The following OR5V1 variants were observed in gnomAD, a reference collection of about 807,000 sequenced individuals.
OR5V1 encodes the protein olfactory receptor family 5 subfamily V member 1.
For missense variants in OR5V1, 365 were observed against 371.5 expected, an observed-to-expected ratio of 0.98 and a Z score of 0.14; for synonymous variants, 134 against 143.2, an observed-to-expected ratio of 0.94 and a Z score of 0.46.
chr6:29,355,745 C>A lies in OR5V1; in HGVS notation c.451G>T (p.Ala151Ser). ...TGCACCACTGAGTTAAGGAAACCAG[C>A]AGCCCAGCATGAGGCTGCTAATTGA... is the stretch of plus-strand genomic sequence containing the variant. ...CNQLAASCWA[A>S]GFLNSVVHTV... is the part of the protein sequence containing the mutation. Residue 151 changes from alanine to serine, a missense_variant, in exon 2 of 2, where the codon GCT (alanine) becomes TCT (serine). Coordinates refer to ENST00000641768, the MANE Select transcript of OR5V1 (RefSeq NM_030876.6). 1 of 1,614,056 alleles carries A rather than the reference C, an allele frequency of 6.2e-7. No homozygotes were observed. The highest frequency in any genetic ancestry group is 8.5e-7 in the Non-Finnish European group (1 of 1,179,982).
intron 1 of OR5V1, among the ~76,000 whole-genome samples, chr6:29,367,382 C>T (rs1778906059): frequency 6.6e-6 from 1 of 152,124 alleles, no homozygotes; most frequent in East Asian, 1.9e-4. Flanking sequence ...TTCTGTCTTA[C>T]TAATCTATTT....
In OR5V1 at chr6:29,355,863, C is replaced by A; in HGVS notation, c.333G>T (p.Glu111Asp). ...ATGCCATTGCTGCCAGTAGGAGACA[C>A]TCTGATCCTACAAAGAAAACAAATG... ...LFAFVFFVGS[E>D]CLLLAAMAYD... is the part of the protein sequence containing the mutation. Residue 111 changes from glutamate to aspartate, a missense_variant, in exon 2 of 2, where the codon GAG becomes GAT. Physicochemically the swap from Glu to Asp is conservative, Grantham distance 45 (BLOSUM62 2). Transcript: ENST00000641768. The A allele has an allele frequency of 6.2e-7, 1 of 1,614,024 alleles. No homozygotes were observed. The highest frequency in any genetic ancestry group is 1.6e-4 in the Middle Eastern group (1 of 6,062).
Position 29,365,330 on chromosome 6 carries a change from GA to G in OR5V1, c.-83+3301del, listed in dbSNP as rs796868987. On this transcript the variant is annotated intron_variant, in intron 1 of 1. Transcript: ENST00000641768. ...AATTAAACTAAAGAGCTTCTGCATA[GA>G]AAAAAAAAAAAAAACTATCATCGGA... is the stretch of plus-strand genomic sequence containing the variant. Among the ~76,000 whole-genome samples, 1,072 of 116,600 alleles carry G rather than the reference GA, an allele frequency of 9.2e-3. 7 individuals carry two copies. The highest frequency in any genetic ancestry group is 0.041 in the Middle Eastern group (9 of 218). 76.5% of individuals were successfully genotyped at this position (116,600 alleles called of 152,430 possible).
intron 1 of OR5V1, among the ~76,000 whole-genome samples, chr6:29,358,425 C>T (rs1778417496): frequency 6.6e-6 from 1 of 152,090 alleles, no homozygotes; most frequent in Non-Finnish European, 1.5e-5. Flanking sequence ...ACTAAAAATG[C>T]AACTACTATG....
Position 29,355,383 on chromosome 6 carries a change from A to C in OR5V1, c.813T>G (p.Asp271Glu). Residue 271 changes from aspartate (D) to glutamate (E), a missense_variant, in exon 2 of 2, where the codon GAT (aspartate) becomes GAG (glutamate). By Grantham distance (45) the Asp-to-Glu change is conservative. Transcript: ENST00000641768. Reference sequence around the variant, plus strand: ...CACTGTACAACACTGAAACCAACCTATCTTTCTTTAATGAGTAAGTTGAGA... The same window carrying C: ...CACTGTACAACACTGAAACCAACCTCTCTTTCTTTAATGAGTAAGTTGAGA... ...RPISTYSLKK[D>E]RLVSVLYSVV... The C allele has an allele frequency of 6.2e-7, 1 of 1,614,010 alleles. No homozygotes were observed. The highest frequency in any genetic ancestry group is 8.5e-7 in the Non-Finnish European group (1 of 1,179,900).
chr6:29,360,564 G>A (rs544772593), intron 1 of OR5V1, among the ~76,000 whole-genome samples: 1 of 152,326 alleles, frequency 6.6e-6, no homozygotes, highest in East Asian at 1.9e-4. Context: ...TTGGGATGAA[G>A]CTTCCAGAGG....
rs151017248 is a variant in OR5V1 at position 29,367,804 on chromosome 6, A to T, written c.-83+828T>A. ...AGACAGAATAGAATTCACCACGCAA[A>T]GCACAAGTATTTCACACAGAGTTAT... On this transcript the variant is annotated intron_variant, in intron 1 of 1. Coordinates refer to ENST00000641768, the MANE Select transcript of OR5V1 (RefSeq NM_030876.6). Among the ~76,000 whole-genome samples, 1,300 of 152,318 alleles carry T rather than the reference A, an allele frequency of 8.5e-3. 12 individuals are homozygous for T. The highest frequency in any genetic ancestry group is 0.023 in the African/African-American group (970 of 41,592).
intron 1 of OR5V1, among the ~76,000 whole-genome samples, chr6:29,366,241 A>G (rs1778848208): frequency 6.6e-6 from 1 of 151,504 alleles, no homozygotes; most frequent in Non-Finnish European, 1.5e-5. Flanking sequence ...TGATCAGTGC[A>G]GCAAACCACC....
chr6:29,363,158 A>C (rs1778658890), intron 1 of OR5V1, among the ~76,000 whole-genome samples: 1 of 152,224 alleles, frequency 6.6e-6, no homozygotes, highest in Admixed American at 6.5e-5. Flanking sequence ...CCATGAGAGA[A>C]TACTATAAAT....
chr6:29,356,870 C>A (rs188189863), intron 1 of OR5V1, among the ~76,000 whole-genome samples: 1 of 151,838 alleles, frequency 6.6e-6, no homozygotes, highest in Admixed American at 6.6e-5. Flanking sequence ...CTTAATTTTC[C>A]GTGGCAATAC....
intron 1 of OR5V1, among the ~76,000 whole-genome samples, chr6:29,360,829 A>C (rs2151275064): frequency 6.6e-6 from 1 of 152,306 alleles, no homozygotes; most frequent in South Asian, 2.1e-4. Context: ...AAAAACCAGC[A>C]CAAAAATGCT....
At position 29,356,001 on chromosome 6, in the gene OR5V1, G is replaced by C; in HGVS notation, c.195C>G (p.Asn65Lys). The change falls in exon 2 of 2, where the codon AAC (asparagine) becomes AAG (lysine). Residue 65 changes from asparagine (N) to lysine (K), a missense_variant. Asn to Lys is a moderately conservative substitution (Grantham distance 94). Coordinates refer to ENST00000641768, the MANE Select transcript of OR5V1 (RefSeq NM_030876.6). ...TGTAGCAGATGTCAATAAAGGCCAA[G>C]TTCCCTAGAAAATAATACATAGGTG... ...LHTPMYYFLG[N>K]LAFIDICYTT... is the part of the protein sequence containing the mutation. 6.2e-7 allele frequency: 1 copy of C among 1,614,014 alleles called. No individual in the cohort carries two copies. Among genetic ancestry groups the C allele is most frequent in the South Asian group, 1.1e-5 (1 of 91,072 alleles).
At chr6:29,367,374 C>T (rs1325000610) in intron 1 of OR5V1, among the ~76,000 whole-genome samples, 1 of 152,136 alleles carries the variant, frequency 6.6e-6, no homozygotes, top group Non-Finnish European at 1.5e-5. Flanking sequence ...GGTGCATATT[C>T]TGTCTTACTA....
At chr6:29,366,397 T>C (rs1338241269) in intron 1 of OR5V1, among the ~76,000 whole-genome samples, 1 of 150,952 alleles carries the variant, frequency 6.6e-6, no homozygotes, top group Non-Finnish European at 1.5e-5. Context: ...GAATTTGAGA[T>C]ATCTGAATAT....
chr6:29,354,229 T>G lies in OR5V1; in HGVS notation c.*1001A>C, dbSNP rs1179319535. On this transcript the variant is annotated 3_prime_UTR_variant, in exon 2 of 2. Coordinates refer to ENST00000641768, the MANE Select transcript of OR5V1 (RefSeq NM_030876.6). ...TTGTATGTTATTTATTTTCCCTTCT[T>G]GGTATCTCTAAGTCTCTTTATCTTT... 1 of 152,008 alleles carries G rather than the reference T, an allele frequency of 6.6e-6. No homozygotes were observed. The highest frequency in any genetic ancestry group is 1.5e-5 in the Non-Finnish European group (1 of 67,918). The allele number at this position is 152,008 out of a possible 1,614,324, so 9.4% of individuals were successfully genotyped here. A position where few individuals can be genotyped will look rare whatever the true frequency, so the allele number is the denominator to read the frequency against.
rs1353579665 is a variant in OR5V1 at position 29,353,761 on chromosome 6, C to G, written c.*1469G>C. 6.6e-6 allele frequency: 1 copy of G among 152,034 alleles called. No individual in the cohort carries two copies. The highest frequency in any genetic ancestry group is 1.5e-5 in the Non-Finnish European group (1 of 67,950). The allele number at this position is 152,034 out of a possible 1,614,324, so 9.4% of individuals were successfully genotyped here. A position where few individuals can be genotyped will look rare whatever the true frequency, so the allele number is the denominator to read the frequency against. On this transcript the variant is annotated 3_prime_UTR_variant, in exon 2 of 2. Transcript: ENST00000641768. ...ATAGTGGTATGTAGTCAGGAAAGAT[C>G]AAGCCATACCTGGAGAAGAATTATT...
intron 1 of OR5V1, among the ~76,000 whole-genome samples, chr6:29,357,024 A>T (rs1778347697): frequency 6.6e-6 from 1 of 152,146 alleles, no homozygotes; most frequent in Admixed American, 6.6e-5. Flanking sequence ...AACAAGAAGC[A>T]TATTGAATTA....
chr6:29,356,631 C>T (rs915257161), intron 1 of OR5V1, among the ~76,000 whole-genome samples: 2 of 152,082 alleles, frequency 1.3e-5, no homozygotes, highest in Non-Finnish European at 2.9e-5. Flanking sequence ...CTTTTTCATA[C>T]TTCAACGTTA....
chr6:29,363,665 A>C (rs915465729), intron 1 of OR5V1, among the ~76,000 whole-genome samples: 2 of 152,202 alleles, frequency 1.3e-5, no homozygotes, highest in Admixed American at 6.5e-5. Context: ...CAATAAACAT[A>C]ATCTATCACA....
Sources: gnomAD v4.1 joint callset for allele counts (sites outside exome capture counted in the v4.1 genomes callset) on GRCh38, gnomAD v4.1.1 for gene constraint, MANE v1.5 for transcripts, NCBI Gene and HGNC (gene_info 2026-07-23, HGNC 2026-07-21) for gene names.